The following KCNQ5 variants were observed in gnomAD, a reference collection of about 807,000 sequenced individuals.
The protein encoded by KCNQ5 is potassium voltage-gated channel subfamily Q member 5.
In KCNQ5, 30 loss-of-function variants were observed where a neutral mutation model predicts 98.2. The observed-to-expected ratio is 0.31, with a 90% CI of 0.23 to 0.41. The LOEUF is 0.41. Ranked by LOEUF, KCNQ5 falls within the 10% of genes least tolerant of loss-of-function variation. KCNQ5 has a pLI of 1.00. For missense variants in KCNQ5, 835 were observed against 1,182.5 expected (o/e 0.71, Z 4.31); for synonymous variants, 458 against 449.4 (o/e 1.02, Z -0.24).
chr6:73,103,196 G>A (rs925601052), intron 5 of KCNQ5, among the ~76,000 whole-genome samples: 3 of 152,160 alleles, frequency 2.0e-5, no homozygotes. Flanking sequence ...AATAAGCCAG[G>A]CACAGAAAGA....
intron 11 of KCNQ5, among the ~76,000 whole-genome samples, chr6:73,188,755 T>G (rs151076340): frequency 6.6e-6 from 1 of 151,886 alleles, no homozygotes; most frequent in Non-Finnish European, 1.5e-5. Context: ...GAGGCTGAGG[T>G]GGGCAGATCA....
At chr6:72,812,559 G>T (rs933420119) in intron 1 of KCNQ5, among the ~76,000 whole-genome samples, 7 of 152,144 alleles carry the variant, frequency 4.6e-5, no homozygotes, top group African/African-American at 1.7e-4. Flanking sequence ...TGTACACAGG[G>T]GACCTCGGAA....
chr6:72,995,844 G>A lies in KCNQ5; in HGVS notation c.399-8064G>A, dbSNP rs75360491. ...TTTAAGTTCAATTTGAATCAATGGC[G>A]TCATTTAGTTCTTTTAAAAAAAATG... On this transcript the variant is annotated intron_variant, in intron 1 of 13. Coordinates refer to ENST00000370398, the MANE Select transcript of KCNQ5 (RefSeq NM_019842.4). 3.0e-3 allele frequency among the ~76,000 whole-genome samples: 456 copies of A among 152,198 alleles called. 5 individuals are homozygous for A. The highest frequency in any genetic ancestry group is 0.028 in the East Asian group (144 of 5,184).
chr6:72,692,311 A>G (rs1378535453), intron 1 of KCNQ5, among the ~76,000 whole-genome samples: 1 of 152,200 alleles, frequency 6.6e-6, no homozygotes, highest in Non-Finnish European at 1.5e-5. Context: ...AGAGTGAGAA[A>G]CATTCACTGA....
intron 1 of KCNQ5, among the ~76,000 whole-genome samples, chr6:72,831,946 G>A (rs1336686119): frequency 1.3e-5 from 2 of 151,744 alleles, no homozygotes; most frequent in Non-Finnish European, 2.9e-5. Flanking sequence ...GAGGGAGGGG[G>A]TCAAAGGTAA....
intron 11 of KCNQ5, among the ~76,000 whole-genome samples, chr6:73,171,074 G>T (rs962141294): frequency 6.6e-6 from 1 of 152,138 alleles, no homozygotes; most frequent in Non-Finnish European, 1.5e-5. Context: ...ACATTGATTT[G>T]CCCTATAGCT....
intron 1 of KCNQ5, among the ~76,000 whole-genome samples, chr6:72,946,630 A>G (rs1486390262): frequency 6.6e-6 from 1 of 152,332 alleles, no homozygotes; most frequent in Admixed American, 6.5e-5. Context: ...GAATTTAACT[A>G]TTTCCTCTAA....
At chr6:72,809,093 G>A (rs1302991457) in intron 1 of KCNQ5, among the ~76,000 whole-genome samples, 1 of 151,532 alleles carries the variant, frequency 6.6e-6, no homozygotes, top group Non-Finnish European at 1.5e-5. Context: ...TCCTTTGTAG[G>A]GACATGGATG....
At chr6:72,910,663 A>G (rs1338816917) in intron 1 of KCNQ5, among the ~76,000 whole-genome samples, 1 of 150,984 alleles carries the variant, frequency 6.6e-6, no homozygotes, top group Non-Finnish European at 1.5e-5. Context: ...ATCACTTCTT[A>G]CCTGGACCTC....
rs537281310 is a variant in KCNQ5, at chr6:72,757,095, T to C, written c.398+134508T>C. On this transcript the variant is annotated intron_variant, in intron 1 of 13. Transcript: ENST00000370398. The stretch of plus-strand genomic sequence containing the variant: ...TAATTTCATCTTCATTTATCTAGGA[T>C]CAAATATTGTGAAGAAATTTAACAT... Among the ~76,000 whole-genome samples, 389 of 152,268 alleles carry C rather than the reference T, an allele frequency of 2.6e-3. 2 individuals are homozygous for C. The highest frequency in any genetic ancestry group is 4.0e-3 in the Non-Finnish European group (271 of 68,008).
intron 6 of KCNQ5, among the ~76,000 whole-genome samples, chr6:73,108,234 C>T (rs1033185875): frequency 6.6e-6 from 1 of 152,176 alleles, no homozygotes; most frequent in Non-Finnish European, 1.5e-5. Context: ...CTAATGAGCT[C>T]ACAGAAGAAG....
intron 2 of KCNQ5, among the ~76,000 whole-genome samples, chr6:73,040,166 T>C (rs1189761466): frequency 2.6e-5 from 4 of 152,226 alleles, no homozygotes; most frequent in Non-Finnish European, 5.9e-5. Context: ...CATATATCTG[T>C]CATTTGTTAA....
chr6:72,710,426 CTG>C (rs1331278771), intron 1 of KCNQ5, among the ~76,000 whole-genome samples: 1 of 152,152 alleles, frequency 6.6e-6, no homozygotes, highest in Non-Finnish European at 1.5e-5. Context: ...CAAGACCCAA[CTG>C]TATGCTGCCT....
chr6:73,154,962 G>A (rs1166699914), intron 10 of KCNQ5, among the ~76,000 whole-genome samples: 1 of 151,908 alleles, frequency 6.6e-6, no homozygotes, highest in Non-Finnish European at 1.5e-5. Context: ...ACAAGGCACG[G>A]TCCTGCCCTC....
At chr6:72,925,958 A>C (rs1446227737) in intron 1 of KCNQ5, among the ~76,000 whole-genome samples, 1 of 152,222 alleles carries the variant, frequency 6.6e-6, no homozygotes, top group Non-Finnish European at 1.5e-5. Flanking sequence ...AGGAACTTAG[A>C]TATGCAGTCC....
At chr6:73,032,617 T>C (rs1771200515) in intron 2 of KCNQ5, among the ~76,000 whole-genome samples, 1 of 152,186 alleles carries the variant, frequency 6.6e-6, no homozygotes, top group Non-Finnish European at 1.5e-5. Flanking sequence ...GACATTGATC[T>C]TCGATTCTAA....
intron 1 of KCNQ5, among the ~76,000 whole-genome samples, chr6:72,690,026 C>G (rs1226256533): frequency 6.6e-6 from 1 of 152,086 alleles, no homozygotes; most frequent in South Asian, 2.1e-4. Context: ...ATAATTCCAG[C>G]ACTTTGGGAG....
rs557172486 is a variant in KCNQ5 at position 72,951,559 on chromosome 6, G to A, written c.399-52349G>A. 2.6e-5 allele frequency among the ~76,000 whole-genome samples: 4 copies of A among 151,758 alleles called. No homozygotes were observed. In the East Asian group the frequency reaches 7.8e-4, roughly 29 times the overall value. Reference sequence around the variant, plus strand: ...TGGCCTCCCAAAGTGCTGGGATTACGGGTGTGAGCCACTGTTCCTGGCCTA... The same window carrying A: ...TGGCCTCCCAAAGTGCTGGGATTACAGGTGTGAGCCACTGTTCCTGGCCTA... On this transcript the variant is annotated intron_variant, in intron 1 of 13. Coordinates refer to ENST00000370398, the MANE Select transcript of KCNQ5 (RefSeq NM_019842.4).
At chr6:73,027,730 T>C (rs1176008361) in intron 2 of KCNQ5, among the ~76,000 whole-genome samples, 1 of 152,182 alleles carries the variant, frequency 6.6e-6, no homozygotes, top group Non-Finnish European at 1.5e-5. Context: ...CCTCTTTTAA[T>C]AAATAATACA....
Sources: gnomAD v4.1 joint callset for allele counts (sites outside exome capture counted in the v4.1 genomes callset) on GRCh38, gnomAD v4.1.1 for gene constraint, MANE v1.5 for transcripts, NCBI Gene and HGNC (gene_info 2026-07-23, HGNC 2026-07-21) for gene names.